WDR7: variants seen among roughly 807,000 people sequenced by gnomAD.
WDR7 encodes the protein WD repeat domain 7, also known as WD repeat-containing protein 7.
WDR7 carries 46 observed loss-of-function variants against 169.4 expected under a neutral mutation model. That is an observed-to-expected ratio of 0.27 (90% confidence interval 0.21 to 0.35). The LOEUF is 0.35. Ranked by LOEUF, WDR7 falls within the 10% of genes least tolerant of loss-of-function variation. The pLI is 1.00. For synonymous variants in WDR7, 612 were observed against 666.8 expected, an observed-to-expected ratio of 0.92 and a Z score of 1.27; for missense variants, 1,534 against 1,859.3, an observed-to-expected ratio of 0.83 and a Z score of 3.22.
intron 27 of WDR7, among the ~76,000 whole-genome samples, chr18:57,026,418 A>G (rs1411980686): frequency 6.6e-6 from 1 of 152,258 alleles, no homozygotes; most frequent in Non-Finnish European, 1.5e-5. Context: ...CTGGTTCTGC[A>G]CTTTATAATA....
intron 21 of WDR7, among the ~76,000 whole-genome samples, chr18:56,893,541 G>A (rs527801916): frequency 4.0e-4 from 61 of 152,160 alleles, no homozygotes; most frequent in Middle Eastern, 6.8e-3. Context: ...TTGTTGAATG[G>A]TAGGGAGTCC....
chr18:56,938,756 A>G, intron 24 of WDR7, 74 bp downstream of exon 24: 2 of 1,552,630 alleles, frequency 1.3e-6, no homozygotes, highest in Admixed American at 3.7e-5. Flanking sequence ...ATAAATCAGT[A>G]TCTTTATTTC....
intron 14 of WDR7, among the ~76,000 whole-genome samples, chr18:56,740,014 A>C (rs766954370): frequency 2.0e-5 from 3 of 151,908 alleles, no homozygotes; most frequent in Non-Finnish European, 2.9e-5. Flanking sequence ...TCTCTTTCAG[A>C]AACTCCAATA....
chr18:56,658,857 C>A (rs1355611751), intron 1 of WDR7, among the ~76,000 whole-genome samples: 1 of 152,002 alleles, frequency 6.6e-6, no homozygotes, highest in Non-Finnish European at 1.5e-5. Context: ...GGACTACAGG[C>A]GTGCACCACT....
At chr18:56,950,860 T>C (rs1194728213) in intron 25 of WDR7, among the ~76,000 whole-genome samples, 1 of 152,250 alleles carries the variant, frequency 6.6e-6, no homozygotes, top group Admixed American at 6.5e-5. Flanking sequence ...TGGTACATAA[T>C]ACTTGGTAGC....
the WDR7 span, chr18:57,035,542 T>G: frequency 6.6e-6 from 1 of 152,222 alleles, no homozygotes; most frequent in African/African-American, 2.4e-5. Flanking sequence ...CCAAATCCAC[T>G]GGATGCCTCT....
chr18:56,915,833 A>G (rs1470182774), intron 21 of WDR7, among the ~76,000 whole-genome samples: 1 of 152,194 alleles, frequency 6.6e-6, no homozygotes, highest in African/African-American at 2.4e-5. Context: ...CTCTCTGGCC[A>G]ATGGTCTTCT....
chr18:56,757,968 C>CAA (rs11423337), intron 15 of WDR7, among the ~76,000 whole-genome samples: 28 of 139,504 alleles, frequency 2.0e-4, no homozygotes, highest in East Asian at 1.0e-3. Flanking sequence ...GACTCTGTCT[C>CAA]AAAAAAAAAA....
At chr18:56,791,912 T>A (rs2044490798) in intron 19 of WDR7, among the ~76,000 whole-genome samples, 1 of 152,218 alleles carries the variant, frequency 6.6e-6, no homozygotes, top group Admixed American at 6.5e-5. Context: ...CTTGTAAGCC[T>A]TGTCTCCTCA....
intron 19 of WDR7, among the ~76,000 whole-genome samples, chr18:56,812,485 T>C (rs2044886937): frequency 6.6e-6 from 1 of 152,166 alleles, no homozygotes; most frequent in Non-Finnish European, 1.5e-5. Context: ...GGGAATTGGC[T>C]CATGCAATTG....
At chr18:56,794,302 C>CTTTTTTTTTTTTTTTTTT (rs1217568621) in intron 19 of WDR7, among the ~76,000 whole-genome samples, 1 of 29,466 alleles carries the variant, frequency 3.4e-5, no homozygotes, top group Non-Finnish European at 9.1e-5. Context: ...AAGGTAAAGT[C>CTTTTTTTTTTTTTTTTTT]TATTTTTTTT....
intron 20 of WDR7, among the ~76,000 whole-genome samples, chr18:56,830,809 C>T (rs910575589): frequency 6.6e-5 from 10 of 152,180 alleles, no homozygotes; most frequent in Admixed American, 4.6e-4. Flanking sequence ...TGGGTTCCAG[C>T]GATTCTCCTG....
intron 25 of WDR7, among the ~76,000 whole-genome samples, chr18:56,943,233 T>C (rs1277587076): frequency 6.6e-6 from 1 of 152,228 alleles, no homozygotes; most frequent in Non-Finnish European, 1.5e-5. Flanking sequence ...TTGAGTCTTC[T>C]ATGTACAAAA....
At chr18:56,834,734 C>T (rs574271272) in intron 20 of WDR7, among the ~76,000 whole-genome samples, 1 of 152,264 alleles carries the variant, frequency 6.6e-6, no homozygotes, top group African/African-American at 2.4e-5. Flanking sequence ...AGGCATCCCA[C>T]ATTTTTGTCT....
At chr18:56,970,601 A>G (rs1332603087) in intron 26 of WDR7, among the ~76,000 whole-genome samples, 1 of 152,188 alleles carries the variant, frequency 6.6e-6, no homozygotes, top group Non-Finnish European at 1.5e-5. Context: ...CCACGCATGC[A>G]TAGCCTCACC....
intron 16 of WDR7, among the ~76,000 whole-genome samples, chr18:56,776,318 C>G (rs992316526): frequency 1.3e-5 from 2 of 151,946 alleles, no homozygotes; most frequent in African/African-American, 4.8e-5. Flanking sequence ...TTGAAATGAT[C>G]TTAGTGAATA....
intron 25 of WDR7, among the ~76,000 whole-genome samples, chr18:56,956,842 A>T (rs1447885948): frequency 1.3e-5 from 2 of 152,198 alleles, no homozygotes; most frequent in Admixed American, 1.3e-4. Flanking sequence ...ACTGTAACCA[A>T]GTGGATCAGT....
intron 22 of WDR7, among the ~76,000 whole-genome samples, chr18:56,927,985 G>T (rs983274662): frequency 5.9e-5 from 9 of 152,174 alleles, no homozygotes; most frequent in African/African-American, 2.2e-4. Context: ...GCAAGGAGGG[G>T]TTTCATTTGG....
chr18:56,674,774 T>A (rs2025208979), intron 2 of WDR7, among the ~76,000 whole-genome samples: 1 of 152,186 alleles, frequency 6.6e-6, no homozygotes, highest in South Asian at 2.1e-4. Context: ...TATCCCTGTG[T>A]TTTTTTCCTA....
Sources: allele counts gnomAD v4.1 joint callset (sites outside exome capture counted in the v4.1 genomes callset), GRCh38; gene constraint gnomAD v4.1.1; transcripts MANE v1.5; gene names NCBI Gene and HGNC (gene_info 2026-07-23, HGNC 2026-07-21).